SPOCK3: variants seen among roughly 807,000 people sequenced by gnomAD.
The protein encoded by SPOCK3 is testican-3.
A neutral mutation model predicts 56.6 loss-of-function variants in SPOCK3; 30 were observed. The ratio of observed to expected loss-of-function variants is 0.53; its 90% CI spans 0.40 to 0.72. SPOCK3 has a LOEUF of 0.72. SPOCK3 is among the 30% of genes least tolerant of loss of function. SPOCK3 has a pLI of 0.00. For missense variants in SPOCK3, 527 were observed against 530.0 expected (o/e 0.99, Z 0.06); for synonymous variants, 196 against 183.3 (o/e 1.07, Z -0.56).
chr4:166,781,259 T>G (rs1428347222), intron 7 of SPOCK3, among the ~76,000 whole-genome samples: 1 of 152,098 alleles, frequency 6.6e-6, no homozygotes, highest in Admixed American at 6.6e-5. Flanking sequence ...GATTTAGACA[T>G]AATCAGAGAA....
At chr4:167,106,477 T>C (rs1476258320) in intron 2 of SPOCK3, among the ~76,000 whole-genome samples, 1 of 151,750 alleles carries the variant, frequency 6.6e-6, no homozygotes, top group Non-Finnish European at 1.5e-5. Flanking sequence ...CTATGGGATA[T>C]AGCAAAGGCA....
intron 2 of SPOCK3, among the ~76,000 whole-genome samples, chr4:167,216,231 C>T (rs1735342457): frequency 6.6e-6 from 1 of 151,826 alleles, no homozygotes; most frequent in Non-Finnish European, 1.5e-5. Flanking sequence ...GTGGAGTTTG[C>T]GGTTTATCCC....
intron 2 of SPOCK3, among the ~76,000 whole-genome samples, chr4:167,109,478 T>TA (rs1279357706): frequency 9.5e-6 from 1 of 104,810 alleles, no homozygotes; most frequent in Non-Finnish European, 1.9e-5. Context: ...ATAATATATT[T>TA]ATATAAAATA....
intron 2 of SPOCK3, among the ~76,000 whole-genome samples, chr4:167,181,337 A>G (rs1731437359): frequency 6.6e-6 from 1 of 152,060 alleles, no homozygotes; most frequent in Admixed American, 6.6e-5. Flanking sequence ...CCTTCAAAAT[A>G]TATCTCCAGT....
chr4:166,805,913 C>T (rs1474688956), intron 6 of SPOCK3, among the ~76,000 whole-genome samples: 4 of 152,086 alleles, frequency 2.6e-5, no homozygotes, highest in African/African-American at 9.6e-5. Context: ...AGCCAGTTTT[C>T]TTCCACATAG....
chr4:167,029,511 C>T (rs916793401), intron 3 of SPOCK3, among the ~76,000 whole-genome samples: 4 of 151,890 alleles, frequency 2.6e-5, no homozygotes, highest in Non-Finnish European at 5.9e-5. Flanking sequence ...TCTGTAATTA[C>T]CATTATTTAC....
At chr4:166,974,888 T>C (rs1431384566) in intron 4 of SPOCK3, among the ~76,000 whole-genome samples, 1 of 152,240 alleles carries the variant, frequency 6.6e-6, no homozygotes, top group Admixed American at 6.5e-5. Context: ...AATGTAACAT[T>C]ATTGAAAGGT....
intron 2 of SPOCK3, among the ~76,000 whole-genome samples, chr4:167,158,317 C>T (rs368626482): frequency 1.3e-4 from 19 of 151,864 alleles, no homozygotes; most frequent in African/African-American, 2.4e-4. Flanking sequence ...GTCTCTGCTG[C>T]GGTTTTAAAC....
At chr4:167,127,269 AAC>A (rs1340702446) in intron 2 of SPOCK3, among the ~76,000 whole-genome samples, 2 of 152,122 alleles carry the variant, frequency 1.3e-5, no homozygotes, top group Non-Finnish European at 2.9e-5. Context: ...GGATACCAAA[AAC>A]ACACACACAT....
intron 2 of SPOCK3, among the ~76,000 whole-genome samples, chr4:167,096,014 T>C (rs544372831): frequency 2.6e-4 from 40 of 151,936 alleles, no homozygotes; most frequent in Admixed American, 7.2e-4. Context: ...AATTGCAATA[T>C]TATCAACCAA....
At chr4:167,118,542 C>T (rs2061322030) in intron 2 of SPOCK3, among the ~76,000 whole-genome samples, 1 of 152,082 alleles carries the variant, frequency 6.6e-6, no homozygotes, top group African/African-American at 2.4e-5. Flanking sequence ...TTTATTTTGA[C>T]TGTGTCTATA....
intron 2 of SPOCK3, among the ~76,000 whole-genome samples, chr4:167,195,717 T>C (rs935901582): frequency 4.1e-4 from 62 of 152,154 alleles, no homozygotes; most frequent in African/African-American, 1.5e-3. Context: ...CTAAAACGCA[T>C]TGCAGATGTG....
chr4:167,126,033 T>C (rs11132889), intron 2 of SPOCK3, among the ~76,000 whole-genome samples: 82,060 of 152,026 alleles, frequency 0.54, 22,276 homozygotes, highest in East Asian at 0.67. Context: ...AGGTACAAAA[T>C]ACACCTAACC....
intron 7 of SPOCK3, among the ~76,000 whole-genome samples, chr4:166,766,296 T>G (rs1332861323): frequency 6.6e-6 from 1 of 152,098 alleles, no homozygotes; most frequent in Non-Finnish European, 1.5e-5. Context: ...CCAGTTTATG[T>G]CCATTCAGTA....
At chr4:167,080,378 T>C (rs1757598933) in intron 2 of SPOCK3, among the ~76,000 whole-genome samples, 1 of 152,076 alleles carries the variant, frequency 6.6e-6, no homozygotes, top group Admixed American at 6.6e-5. Flanking sequence ...ACTTTCCTTT[T>C]ATATTGCAAA....
Position 167,207,422 on chromosome 4 carries a change from AT to A in SPOCK3, c.189+26562del, listed in dbSNP as rs149696787. Among the ~76,000 whole-genome samples, 1,147 of 152,206 alleles carry A rather than the reference AT, an allele frequency of 7.5e-3. 17 individuals are homozygous for A. Among genetic ancestry groups the A allele is most frequent in the African/African-American group, 0.026 (1,072 of 41,574 alleles). On this transcript the variant is annotated intron_variant, in intron 2 of 10. Transcript: ENST00000357545. Reference sequence around the variant, plus strand: ...CTTTCTAATAAAAAAACTAAAAAAAATGTAGGAAATAAAAATAATATTTTCA... The same window carrying A: ...CTTTCTAATAAAAAAACTAAAAAAAAGTAGGAAATAAAAATAATATTTTCA...
At chr4:166,865,321 T>C (rs779646274) in intron 6 of SPOCK3, among the ~76,000 whole-genome samples, 2 of 152,154 alleles carry the variant, frequency 1.3e-5, no homozygotes, top group Non-Finnish European at 1.5e-5. Context: ...CTATAGCCAA[T>C]ATCAAATTGA....
intron 6 of SPOCK3, among the ~76,000 whole-genome samples, chr4:166,805,760 T>C (rs1265914722): frequency 1.3e-5 from 2 of 150,870 alleles, no homozygotes; most frequent in East Asian, 3.8e-4. Context: ...CACTTGGCAA[T>C]CATCTGACAT....
chr4:167,010,974 G>A (rs1561116854), intron 3 of SPOCK3, among the ~76,000 whole-genome samples: 1 of 151,996 alleles, frequency 6.6e-6, no homozygotes. Context: ...TTTGCTGGTG[G>A]TGCATGTAAA....
Sources: gnomAD v4.1 joint callset for allele counts (sites outside exome capture counted in the v4.1 genomes callset) on GRCh38, gnomAD v4.1.1 for gene constraint, MANE v1.5 for transcripts, NCBI Gene and HGNC (gene_info 2026-07-23, HGNC 2026-07-21) for gene names.